The following CNTN4 variants were observed in gnomAD, a reference collection of about 807,000 sequenced individuals.
CNTN4 encodes the protein contactin-4.
Under a neutral mutation model 122.5 loss-of-function variants are expected in CNTN4, and 77 were observed. That is an observed-to-expected ratio of 0.63 (90% CI 0.52 to 0.76). CNTN4 has a LOEUF of 0.76. Among genes scored for constraint, CNTN4 ranks in the 30% least tolerant of loss-of-function variants. The probability of loss-of-function intolerance (pLI) is 0.00; values close to 1 mark genes in which losing one functional copy is unlikely to be tolerated. For missense variants in CNTN4, 1,256 were observed against 1,259.1 expected, an observed-to-expected ratio of 1.00 and a Z score of 0.04; for synonymous variants, 512 against 447.0, an observed-to-expected ratio of 1.15 and a Z score of -1.83.
intron 6 of CNTN4, among the ~76,000 whole-genome samples, chr3:2,815,788 G>A (rs569176269): frequency 1.3e-3 from 195 of 152,012 alleles, no homozygotes; most frequent in Admixed American, 3.1e-3. Context: ...GCACATGCAT[G>A]TTTATAGTGG....
intron 13 of CNTN4, among the ~76,000 whole-genome samples, chr3:2,974,646 G>A (rs569453020): frequency 6.6e-6 from 1 of 152,316 alleles, no homozygotes; most frequent in Non-Finnish European, 1.5e-5. Context: ...GCTTAGAATG[G>A]ATGACTGTTG....
chr3:3,011,535 G>C (rs1446268147), intron 14 of CNTN4, among the ~76,000 whole-genome samples: 2 of 152,210 alleles, frequency 1.3e-5, no homozygotes, highest in Non-Finnish European at 2.9e-5. Flanking sequence ...AAATGAGCAA[G>C]AAGGCACCTG....
At chr3:2,124,411 TTGTC>T (rs56094545) in intron 2 of CNTN4, among the ~76,000 whole-genome samples, 23,569 of 148,756 alleles carry the variant, frequency 0.16, 2,084 homozygotes, top group South Asian at 0.38. Context: ...TTAAAAGCCT[TTGTC>T]TGCATAGATT....
intron 3 of CNTN4, among the ~76,000 whole-genome samples, chr3:2,534,384 T>A (rs2077717943): frequency 6.6e-6 from 1 of 152,210 alleles, no homozygotes; most frequent in Admixed American, 6.5e-5. Context: ...ATTTCTTGTT[T>A]TTGTCAGGTT....
Position 2,668,623 on chromosome 3 carries a change from C to T in CNTN4, c.56-67592C>T, listed in dbSNP as rs567613728. Among the ~76,000 whole-genome samples the T allele has an allele frequency of 8.5e-5, 13 of 152,260 alleles. No individual in the cohort carries two copies. In the South Asian group the frequency reaches 2.7e-3, roughly 32 times the overall value. On this transcript the variant is annotated intron_variant, in intron 4 of 24. Transcript: ENST00000418658. The stretch of plus-strand genomic sequence containing the variant: ...TGATTGCCTTGGCCAGAACTTCCAA[C>T]ACTATGTTGAATAGGAGTGGTGAGA...
chr3:2,933,076 C>A (rs2094538289), intron 13 of CNTN4, among the ~76,000 whole-genome samples: 2 of 151,766 alleles, frequency 1.3e-5, no homozygotes, highest in Non-Finnish European at 3.0e-5. Flanking sequence ...CCCGCCTCGG[C>A]CTCCCAAAGT....
At chr3:2,394,392 A>T (rs923095743) in intron 3 of CNTN4, among the ~76,000 whole-genome samples, 1 of 152,188 alleles carries the variant, frequency 6.6e-6, no homozygotes, top group African/African-American at 2.4e-5. Flanking sequence ...CTTTTGATCT[A>T]CTGCTAACCC....
chr3:2,705,750 T>C (rs2086659225), intron 4 of CNTN4, among the ~76,000 whole-genome samples: 1 of 102,502 alleles, frequency 9.8e-6, no homozygotes, highest in African/African-American at 4.1e-5. Context: ...ATATATGATA[T>C]ATAATATATA....
intron 3 of CNTN4, among the ~76,000 whole-genome samples, chr3:2,416,264 T>C (rs552384712): frequency 5.9e-5 from 9 of 152,186 alleles, no homozygotes; most frequent in Non-Finnish European, 1.3e-4. Flanking sequence ...ATTTGATGTT[T>C]AATAGATTGT....
chr3:2,101,764 G>C (rs1574822637), intron 2 of CNTN4, among the ~76,000 whole-genome samples: 1 of 149,406 alleles, frequency 6.7e-6, no homozygotes, highest in Admixed American at 6.6e-5. Context: ...AACACACAAA[G>C]AAACAAAAAA....
chr3:2,276,061 T>C (rs1302431282), intron 2 of CNTN4, among the ~76,000 whole-genome samples: 1 of 152,148 alleles, frequency 6.6e-6, no homozygotes, highest in Non-Finnish European at 1.5e-5. Flanking sequence ...GTCTATAAAC[T>C]TTTATATATT....
At chr3:2,932,241 G>A (rs2094527322) in intron 13 of CNTN4, among the ~76,000 whole-genome samples, 1 of 152,080 alleles carries the variant, frequency 6.6e-6, no homozygotes, top group Non-Finnish European at 1.5e-5. Flanking sequence ...AGCCGGGCGT[G>A]GTGGTGGGCG....
At chr3:3,045,466 T>C (rs149149) in intron 23 of CNTN4, among the ~76,000 whole-genome samples, 20,717 of 152,214 alleles carry the variant, frequency 0.14, 1,895 homozygotes, top group African/African-American at 0.26. Flanking sequence ...ACATTTGCTG[T>C]TCAGCAATAT....
rs163543 is a variant in CNTN4 at position 3,038,843 on chromosome 3, C to T, written c.2093-90C>T. ...AAAGGGGCGTGCCTCAGAGTACTCACTGAAAGTGAGTCACCTCTGCCAGGC... is the reference window on the plus strand; with the variant it reads ...AAAGGGGCGTGCCTCAGAGTACTCATTGAAAGTGAGTCACCTCTGCCAGGC... On this transcript the variant is annotated intron_variant, in intron 18 of 24. Transcript: ENST00000418658. 0.95 allele frequency: 994,167 copies of T among 1,043,358 alleles called. 473,924 individuals carry two copies. Among genetic ancestry groups the T allele is most frequent in the East Asian group, 1 (42,133 of 42,136 alleles). The allele number at this position is 1,043,358 out of a possible 1,614,324, so 64.6% of individuals were successfully genotyped here.
rs2046227051 is a variant in CNTN4 at position 2,385,704 on chromosome 3, C to G, written c.-89+46471C>G. ...CTTCACATGCTGCATTCCCTGTATG[C>G]CTGTGTGTTCAAATTTTTTCCTCTT... On this transcript the variant is annotated intron_variant, in intron 3 of 24. Coordinates refer to ENST00000418658, the MANE Select transcript of CNTN4 (RefSeq NM_175607.3). This position sits in a 1 kb window ranked among gnomAD's most constrained non-coding sequence, Gnocchi z 4.0. Among the ~76,000 whole-genome samples the G allele has an allele frequency of 6.6e-6, 1 of 151,976 alleles. No individual in the cohort carries two copies. Among genetic ancestry groups the G allele is most frequent in the African/African-American group, 2.4e-5 (1 of 41,406 alleles).
intron 4 of CNTN4, among the ~76,000 whole-genome samples, chr3:2,661,718 A>T (rs1218165665): frequency 1.3e-5 from 2 of 149,842 alleles, no homozygotes; most frequent in African/African-American, 4.9e-5. Context: ...AGGCTGAGGC[A>T]GGAGAATCGC....
intron 2 of CNTN4, among the ~76,000 whole-genome samples, chr3:2,282,559 C>G (rs1263990755): frequency 6.6e-6 from 1 of 151,994 alleles, no homozygotes; most frequent in African/African-American, 2.4e-5. Context: ...CCAAGGTGTG[C>G]AAATGATTTA....
chr3:2,385,008 C>T lies in CNTN4; in HGVS notation c.-89+45775C>T, dbSNP rs1006884489. ...CATTGTTGGTTTTACTGCCTCCATT[C>T]AGATCCTCCTTTTCTCTCTTGCTTC... On this transcript the variant is annotated intron_variant, in intron 3 of 24. Coordinates refer to ENST00000418658, the MANE Select transcript of CNTN4 (RefSeq NM_175607.3). This position sits in a 1 kb window ranked among gnomAD's most constrained non-coding sequence, Gnocchi z 4.0. Among the ~76,000 whole-genome samples, 11 of 152,148 alleles carry T rather than the reference C, an allele frequency of 7.2e-5. No individual in the cohort carries two copies. Among genetic ancestry groups the T allele is most frequent in the Non-Finnish European group, 1.5e-4 (10 of 68,028 alleles).
At chr3:2,461,965 C>A (rs2049227151) in intron 3 of CNTN4, among the ~76,000 whole-genome samples, 1 of 152,152 alleles carries the variant, frequency 6.6e-6, no homozygotes, top group African/African-American at 2.4e-5. Flanking sequence ...TTTCTTCTCC[C>A]ACTCCAGGAG....
Sources: gnomAD v4.1 joint callset for allele counts (sites outside exome capture counted in the v4.1 genomes callset) on GRCh38, gnomAD v4.1.1 for gene constraint, Gnocchi (gnomAD v3.1) non-coding constraint, MANE v1.5 for transcripts, NCBI Gene and HGNC (gene_info 2026-07-23, HGNC 2026-07-21) for gene names.